CCDC178: variants seen among roughly 807,000 people sequenced by gnomAD.
CCDC178 encodes the protein coiled-coil domain containing 178.
In CCDC178, 126 loss-of-function variants were observed where a neutral mutation model predicts 117.4. The ratio of observed to expected loss-of-function variants is 1.07; its 90% CI spans 0.93 to 1.24. The LOEUF is 1.24. CCDC178 is among the 50% of genes most tolerant of loss of function. The pLI is 0.00. For synonymous variants in CCDC178, 283 were observed against 313.4 expected, an observed-to-expected ratio of 0.90 and a Z score of 1.02; for missense variants, 1,030 against 986.9, an observed-to-expected ratio of 1.04 and a Z score of -0.59.
chr18:33,066,109 C>CCTCG, intron 21 of CCDC178, among the ~76,000 whole-genome samples: 1 of 152,176 alleles, frequency 6.6e-6, no homozygotes, highest in South Asian at 2.1e-4. Flanking sequence ...GATCCACCCG[C>CCTCG]CTCGGCCTCC....
chr18:33,393,591 C>T (rs1165673832), intron 4 of CCDC178, among the ~76,000 whole-genome samples: 4 of 152,048 alleles, frequency 2.6e-5, no homozygotes, highest in African/African-American at 4.8e-5. Context: ...TTAAATGCAT[C>T]GAGTATGTTT....
Position 32,938,072 on chromosome 18 carries a change from A to T in CCDC178, c.2543T>A (p.Met848Lys), listed in dbSNP as rs1238035457. 2 of 1,613,518 alleles carry T rather than the reference A, an allele frequency of 1.2e-6. No homozygotes were observed. The highest frequency in any genetic ancestry group is 2.7e-5 in the African/African-American group (2 of 74,934). Residue 848 changes from methionine (M) to lysine (K), a missense_variant, in exon 23 of 23, where the codon ATG (methionine) becomes AAG (lysine). Physicochemically the swap from Met to Lys is moderately conservative, Grantham distance 95 (BLOSUM62 -1). Transcript: ENST00000383096. The part of the protein sequence containing the change: ...LAVQEESSNL[M>K]QHILGFFQTL... The stretch of plus-strand genomic sequence containing the variant: ...CTGGAAGAAACCTAAGATGTGTTGC[A>T]TTAAATTTGAAGATTCCTCCTGTTC...
chr18:33,245,617 C>A (rs918851321), intron 14 of CCDC178, among the ~76,000 whole-genome samples, 189 bp from the exon 15 acceptor site: 2 of 151,684 alleles, frequency 1.3e-5, no homozygotes, highest in African/African-American at 2.4e-5. Flanking sequence ...TGATGGTTAC[C>A]CCTAATTGTC....
chr18:33,236,888 GGAA>G (rs1484436233), intron 15 of CCDC178, among the ~76,000 whole-genome samples: 1 of 152,058 alleles, frequency 6.6e-6, no homozygotes, highest in Non-Finnish European at 1.5e-5. Flanking sequence ...GGTAAACAGA[GGAA>G]CCTCATCAGC....
intron 20 of CCDC178, among the ~76,000 whole-genome samples, chr18:33,169,492 T>C (rs2058572234): frequency 1.3e-5 from 2 of 152,176 alleles, no homozygotes; most frequent in African/African-American, 4.8e-5. Context: ...CAAGTGCCAT[T>C]CTCTAAAAAT....
At chr18:32,974,805 G>T in intron 21 of CCDC178, 124 bp from the exon 22 acceptor site, 2 of 845,298 alleles carry the variant, frequency 2.4e-6, no homozygotes, top group Non-Finnish European at 1.8e-6. Context: ...GCACTGCACG[G>T]ACCTGACAGG....
chr18:33,241,073 CA>C (rs1335614641), intron 15 of CCDC178, among the ~76,000 whole-genome samples: 10 of 151,884 alleles, frequency 6.6e-5, no homozygotes, highest in Non-Finnish European at 8.8e-5. Flanking sequence ...ATACATACAT[CA>C]GCAGAAGAAA....
At chr18:32,975,144 T>C (rs1019058171) in intron 21 of CCDC178, among the ~76,000 whole-genome samples, 3 of 152,188 alleles carry the variant, frequency 2.0e-5, no homozygotes, top group Non-Finnish European at 1.5e-5. Context: ...TTTTTCCTCA[T>C]AAAGCTTACC....
At chr18:33,387,407 C>A (rs966308035) in intron 5 of CCDC178, among the ~76,000 whole-genome samples, 5 of 152,010 alleles carry the variant, frequency 3.3e-5, no homozygotes, top group African/African-American at 1.2e-4. Flanking sequence ...CAAGACAATC[C>A]TAAGCAAAAA....
At chr18:33,356,681 T>C (rs1291678664) in intron 6 of CCDC178, among the ~76,000 whole-genome samples, 12 of 151,934 alleles carry the variant, frequency 7.9e-5, no homozygotes, top group Admixed American at 7.9e-4. Flanking sequence ...AAAACAGAAA[T>C]CTTAAGATAA....
chr18:33,219,181 A>G (rs2059202484), intron 18 of CCDC178, among the ~76,000 whole-genome samples: 1 of 152,008 alleles, frequency 6.6e-6, no homozygotes, highest in Admixed American at 6.6e-5. Flanking sequence ...AAAAATGCTC[A>G]TCATCACTGG....
At chr18:33,096,118 C>G (rs972041655) in intron 20 of CCDC178, among the ~76,000 whole-genome samples, 3 of 149,888 alleles carry the variant, frequency 2.0e-5, no homozygotes, top group South Asian at 2.1e-4. Context: ...TACTCCCCAC[C>G]CCCCCCACTT....
At chr18:33,186,798 T>C (rs1293881155) in intron 20 of CCDC178, among the ~76,000 whole-genome samples, 1 of 152,032 alleles carries the variant, frequency 6.6e-6, no homozygotes, top group Admixed American at 6.6e-5. Context: ...AATTCTAGAT[T>C]AGAAGTGACC....
chr18:33,025,500 GA>G (rs898792521), intron 21 of CCDC178, among the ~76,000 whole-genome samples: 32 of 151,810 alleles, frequency 2.1e-4, no homozygotes, highest in Non-Finnish European at 4.0e-4. Context: ...TCACTCACCT[GA>G]AAAAAAGACT....
intron 21 of CCDC178, among the ~76,000 whole-genome samples, chr18:33,085,844 A>G (rs1281596844): frequency 6.6e-6 from 1 of 152,070 alleles, no homozygotes; most frequent in Non-Finnish European, 1.5e-5. Context: ...GACTAAAGAA[A>G]ATATTTAGCA....
intron 2 of CCDC178, among the ~76,000 whole-genome samples, chr18:33,413,066 A>G (rs2063882141): frequency 6.6e-6 from 1 of 152,214 alleles, no homozygotes; most frequent in Non-Finnish European, 1.5e-5. Flanking sequence ...CTGAACAGAA[A>G]GAAAATAATT....
chr18:33,290,366 T>C (rs967517758), intron 12 of CCDC178, among the ~76,000 whole-genome samples: 2 of 152,144 alleles, frequency 1.3e-5, no homozygotes, highest in Middle Eastern at 3.2e-3. Flanking sequence ...TAGATGAAGA[T>C]GGAAGGGTTA....
At position 33,188,922 on chromosome 18, in the gene CCDC178, G is replaced by T. The variant is rs150013246; in HGVS notation, c.2238+22974C>A. On this transcript the variant is annotated intron_variant, in intron 20 of 22. Transcript: ENST00000383096. ...AGAAATAATAGAAAATTTTCCTGAGGGGATAATGTAATCGTCTGATTGAAC... is the reference window on the plus strand; with the variant it reads ...AGAAATAATAGAAAATTTTCCTGAGTGGATAATGTAATCGTCTGATTGAAC... 6.4e-4 allele frequency among the ~76,000 whole-genome samples: 97 copies of T among 152,218 alleles called. No individual in the cohort carries two copies. The East Asian group carries it at 0.017, about 26-fold the overall frequency.
chr18:33,247,412 A>T (rs1463664741), intron 14 of CCDC178, among the ~76,000 whole-genome samples: 7 of 151,950 alleles, frequency 4.6e-5, no homozygotes, highest in Non-Finnish European at 1.0e-4. Flanking sequence ...GGAAGACAAC[A>T]AATTTTAAGG....
Sources: allele counts gnomAD v4.1 joint callset (sites outside exome capture counted in the v4.1 genomes callset), GRCh38; gene constraint gnomAD v4.1.1; transcripts MANE v1.5; gene names NCBI Gene and HGNC (gene_info 2026-07-23, HGNC 2026-07-21).